PLCE1: variants seen among roughly 807,000 people sequenced by gnomAD.
The protein encoded by PLCE1 is 1-phosphatidylinositol 4,5-bisphosphate phosphodiesterase epsilon-1.
In PLCE1, 119 loss-of-function variants were observed where a neutral mutation model predicts 242.8. The observed-to-expected ratio is 0.49, with a 90% CI of 0.42 to 0.57. The LOEUF is 0.57. Among genes scored for constraint, PLCE1 ranks in the 20% least tolerant of loss-of-function variants. The pLI is 0.00. For synonymous variants in PLCE1, 945 were observed against 1,017.4 expected (o/e 0.93, Z 1.35); for missense variants, 2,441 against 2,788.8 (o/e 0.88, Z 2.81).
At chr10:94,174,706 A>G (rs1380613112) in intron 4 of PLCE1, among the ~76,000 whole-genome samples, 1 of 152,154 alleles carries the variant, frequency 6.6e-6, no homozygotes, top group African/African-American at 2.4e-5. Flanking sequence ...ATATCAGGCA[A>G]CTCTAAATTG....
At chr10:94,255,926 T>A (rs769175425) in intron 11 of PLCE1, among the ~76,000 whole-genome samples, 6,850 of 102,282 alleles carry the variant, frequency 0.067, 96 homozygotes, top group African/African-American at 0.13. Flanking sequence ...TCTCTCTCTC[T>A]CTCTCTCTCT....
chr10:94,201,583 C>A (rs546819720), intron 4 of PLCE1, among the ~76,000 whole-genome samples: 20 of 152,318 alleles, frequency 1.3e-4, no homozygotes, highest in Admixed American at 1.0e-3. Flanking sequence ...TCACGCCATT[C>A]TCCCGCCTCA....
chr10:94,134,081 A>G (rs1480340024), intron 3 of PLCE1, among the ~76,000 whole-genome samples: 3 of 146,848 alleles, frequency 2.0e-5, no homozygotes, highest in African/African-American at 7.5e-5. Flanking sequence ...AACCCCTCCC[A>G]TTTGGTTTTC....
intron 1 of PLCE1, among the ~76,000 whole-genome samples, chr10:94,025,078 A>T (rs973862939): frequency 6.6e-6 from 1 of 151,724 alleles, no homozygotes; most frequent in Non-Finnish European, 1.5e-5. Flanking sequence ...TTTCCTATAC[A>T]TGACATTCAT....
Position 94,234,706 on chromosome 10 carries a change from G to A in PLCE1, c.2214+394G>A, listed in dbSNP as rs557304135. Among the ~76,000 whole-genome samples, 7 of 152,282 alleles carry A rather than the reference G, an allele frequency of 4.6e-5. No individual in the cohort carries two copies. In the East Asian group the frequency reaches 1.4e-3, roughly 29 times the overall value. ...AGAAAAAAGAGGGGAAGTCAACACT[G>A]CTTTCTGTTCATCCTTTGTGGGAAA... is the stretch of plus-strand genomic sequence containing the variant. On this transcript the variant is annotated intron_variant, in intron 6 of 32. Transcript: ENST00000371380.
At chr10:94,290,941 G>A (rs1327276154) in intron 22 of PLCE1, among the ~76,000 whole-genome samples, 1 of 152,100 alleles carries the variant, frequency 6.6e-6, no homozygotes, top group Admixed American at 6.5e-5. Flanking sequence ...TGTTAGGACA[G>A]CAGAAGGTGA....
chr10:94,035,666 G>C (rs1288227618), intron 2 of PLCE1, among the ~76,000 whole-genome samples: 3 of 152,042 alleles, frequency 2.0e-5, no homozygotes, highest in African/African-American at 4.8e-5. Flanking sequence ...GATTTCTAAA[G>C]GGGGGGCCCT....
At chr10:94,302,706 C>T (rs1315482937) in intron 24 of PLCE1, among the ~76,000 whole-genome samples, 3 of 152,106 alleles carry the variant, frequency 2.0e-5, no homozygotes, top group African/African-American at 7.2e-5. Flanking sequence ...TGGGTGTTTT[C>T]ACTTTTTCTG....
chr10:94,228,258 G>A (rs1353164288), intron 5 of PLCE1, among the ~76,000 whole-genome samples: 2 of 152,278 alleles, frequency 1.3e-5, no homozygotes, highest in Admixed American at 6.5e-5. Context: ...CCTGTGGGAG[G>A]CAGCATGGTA....
intron 1 of PLCE1, among the ~76,000 whole-genome samples, chr10:94,016,201 C>T (rs2061277838): frequency 6.6e-6 from 1 of 151,818 alleles, no homozygotes; most frequent in East Asian, 1.9e-4. Flanking sequence ...TTATTATGTC[C>T]AAAAATTATT....
chr10:94,154,390 T>G (rs991560058), intron 3 of PLCE1, among the ~76,000 whole-genome samples: 1 of 152,136 alleles, frequency 6.6e-6, no homozygotes. Flanking sequence ...GAGGAAAAGC[T>G]TCACGACATT....
At chr10:94,138,385 G>A in intron 3 of PLCE1, 1 of 398,592 alleles carries the variant, frequency 2.5e-6, no homozygotes, top group Non-Finnish European at 5.0e-6. Flanking sequence ...CAGGAACTGG[G>A]GACCTATGGG....
intron 1 of PLCE1, among the ~76,000 whole-genome samples, chr10:94,000,161 G>T (rs972675737): frequency 1.3e-5 from 2 of 152,194 alleles, no homozygotes; most frequent in African/African-American, 4.8e-5. Context: ...GAGATTTTGC[G>T]TGAAAGAGGG....
chr10:94,167,939 G>A (rs763628737), intron 3 of PLCE1, among the ~76,000 whole-genome samples: 10 of 151,894 alleles, frequency 6.6e-5, no homozygotes, highest in African/African-American at 1.4e-4. Context: ...CGCCAGCCTC[G>A]GCCTCCCAAA....
At chr10:94,063,086 C>T (rs1358550646) in intron 2 of PLCE1, among the ~76,000 whole-genome samples, 2 of 152,192 alleles carry the variant, frequency 1.3e-5, no homozygotes, top group Admixed American at 1.3e-4. Flanking sequence ...TCCTCTCCCA[C>T]ATGCTCCCTT....
At chr10:94,032,892 T>A (rs1008355251) in intron 2 of PLCE1, among the ~76,000 whole-genome samples, 1 of 152,150 alleles carries the variant, frequency 6.6e-6, no homozygotes, top group Admixed American at 6.6e-5. Flanking sequence ...ATAACTATCA[T>A]AATTTCAAAA....
Position 94,032,191 on chromosome 10 carries a change from C to T in PLCE1, c.1145C>T (p.Pro382Leu), listed in dbSNP as rs772683273. ...LLPCGRVMEP[P>L]STVEIRQDGS... ...CCTTGTGGGAGAGTAATGGAACCCC[C>T]GTCAACAGTGGAGATAAGGCAAGAT... The change falls in exon 2 of 33, where the codon CCG becomes CTG. Residue 382 changes from proline (P) to leucine (L), a missense_variant. By Grantham distance (98) the Pro-to-Leu change is moderately conservative (BLOSUM62 -3). Transcript: ENST00000371380. The T allele has an allele frequency of 6.2e-6, 10 of 1,612,744 alleles. No individual in the cohort carries two copies. The highest frequency in any genetic ancestry group is 8.5e-6 in the Non-Finnish European group (10 of 1,179,426).
At chr10:93,999,071 ATTAT>A (rs1307712953) in intron 1 of PLCE1, among the ~76,000 whole-genome samples, 1 of 152,178 alleles carries the variant, frequency 6.6e-6, no homozygotes, top group Non-Finnish European at 1.5e-5. Context: ...GCACATTGGT[ATTAT>A]TTAAACTACT....
chr10:94,168,761 T>C (rs1454971904), intron 3 of PLCE1, among the ~76,000 whole-genome samples: 3 of 152,190 alleles, frequency 2.0e-5, no homozygotes, highest in Non-Finnish European at 4.4e-5. Context: ...GTTATTTTTA[T>C]TTCCTCTGCA....
Sources: allele counts gnomAD v4.1 joint callset (sites outside exome capture counted in the v4.1 genomes callset), GRCh38; gene constraint gnomAD v4.1.1; transcripts MANE v1.5; gene names NCBI Gene and HGNC (gene_info 2026-07-23, HGNC 2026-07-21).